FAM174B: variants seen among roughly 807,000 people sequenced by gnomAD.
FAM174B encodes membrane protein FAM174B.
A neutral mutation model predicts 10.9 loss-of-function variants in FAM174B; 12 were observed. That is an observed-to-expected ratio of 1.10 (90% CI 0.71 to 1.79). The LOEUF (loss-of-function observed/expected upper bound fraction) is 1.79. Ranked by LOEUF, FAM174B falls within the 40% of genes most tolerant of loss-of-function variation. FAM174B has a pLI of 0.00. For synonymous variants in FAM174B, 132 were observed against 115.8 expected, an observed-to-expected ratio of 1.14 and a Z score of -0.90; for missense variants, 266 against 233.3, an observed-to-expected ratio of 1.14 and a Z score of -0.91.
chr15:92,639,263 G>C (rs922240492), intron 1 of FAM174B: 2 of 152,190 alleles, frequency 1.3e-5, no homozygotes, highest in Non-Finnish European at 2.9e-5. Flanking sequence ...GCCAGCTCCC[G>C]CGATAACCAA....
At chr15:92,620,657 A>G (rs2050713398) in intron 2 of FAM174B, among the ~76,000 whole-genome samples, 1 of 151,890 alleles carries the variant, frequency 6.6e-6, no homozygotes, top group Non-Finnish European at 1.5e-5. Context: ...TCTACTAAAA[A>G]TACAAAAATT....
intron 2 of FAM174B, chr15:92,627,404 G>T: frequency 5.9e-6 from 1 of 170,694 alleles, no homozygotes; most frequent in South Asian, 1.7e-4. Flanking sequence ...ACAAGCTGTG[G>T]AAGTTTCTTA....
At chr15:92,649,733 C>T (rs73460406) in intron 1 of FAM174B, among the ~76,000 whole-genome samples, 4,150 of 152,284 alleles carry the variant, frequency 0.027, 126 homozygotes, top group South Asian at 0.076. Flanking sequence ...TTGGGGCTCC[C>T]CATCCTGACA....
chr15:92,621,561 A>G (rs1381467527), intron 2 of FAM174B, among the ~76,000 whole-genome samples: 2 of 151,804 alleles, frequency 1.3e-5, no homozygotes, highest in Non-Finnish European at 2.9e-5. Context: ...CATTGAGCCA[A>G]TATCTTGCCA....
intron 2 of FAM174B, among the ~76,000 whole-genome samples, chr15:92,622,012 T>G (rs1596293217): frequency 1.3e-5 from 2 of 152,236 alleles, no homozygotes; most frequent in Admixed American, 1.3e-4. Flanking sequence ...GGCAGGGACC[T>G]GATCGCCATA....
At chr15:92,630,577 T>C (rs1313907189) in intron 1 of FAM174B, among the ~76,000 whole-genome samples, 2 of 151,712 alleles carry the variant, frequency 1.3e-5, no homozygotes, top group Non-Finnish European at 2.9e-5. Context: ...CCACTTATGG[T>C]CATGGGACCT....
intron 2 of FAM174B, among the ~76,000 whole-genome samples, chr15:92,623,224 G>A (rs912145325): frequency 1.3e-5 from 2 of 151,998 alleles, no homozygotes; most frequent in Admixed American, 1.3e-4. Context: ...CCCCTCGAGG[G>A]CAGGGCCAGG....
chr15:92,634,513 G>A (rs1168815937), intron 1 of FAM174B: 1 of 152,162 alleles, frequency 6.6e-6, no homozygotes, highest in Non-Finnish European at 1.5e-5. Context: ...AAATGAGCCT[G>A]CTGAGCTAAA....
At chr15:92,631,433 ATATAT>A (rs1266933755) in intron 1 of FAM174B, among the ~76,000 whole-genome samples, 2 of 28,696 alleles carry the variant, frequency 7.0e-5, no homozygotes, top group African/African-American at 2.2e-4. Context: ...ATATAATATA[ATATAT>A]TATATATATA....
chr15:92,635,878 G>C (rs1021090076), intron 1 of FAM174B, among the ~76,000 whole-genome samples: 2 of 152,088 alleles, frequency 1.3e-5, no homozygotes, highest in African/African-American at 4.8e-5. Flanking sequence ...ACCGCACCCA[G>C]CACATTTCTC....
intron 1 of FAM174B, among the ~76,000 whole-genome samples, chr15:92,632,258 C>T (rs182828536): frequency 2.0e-5 from 3 of 152,266 alleles, no homozygotes; most frequent in East Asian, 1.9e-4. Flanking sequence ...TAAAGACAGG[C>T]TCTCGGCCGG....
In FAM174B at chr15:92,655,383, C is replaced by T. The variant is rs2050995879; in HGVS notation, c.277G>A (p.Ala93Thr). The T allele has an allele frequency of 1.3e-6, 2 of 1,592,848 alleles. No individual in the cohort carries two copies. Among genetic ancestry groups the T allele is most frequent in the Non-Finnish European group, 1.7e-6 (2 of 1,170,452 alleles). The stretch of plus-strand genomic sequence containing the variant: ...AAGGCGAACGCCACGATCACGGCTG[C>T]CTTGAGGGTGGGTAGGTCGCGGAGG... ...ILLRDLPTLK[A>T]AVIVAFAFTT... The change falls in exon 1 of 3, where the codon GCA (alanine) becomes ACA (threonine). Residue 93 changes from alanine to threonine, a missense_variant. Physicochemically the swap from Ala to Thr is moderately conservative, Grantham distance 58 (BLOSUM62 0). Coordinates refer to ENST00000327355, the MANE Select transcript of FAM174B (RefSeq NM_207446.3).
chr15:92,620,585 C>T (rs957913662), intron 2 of FAM174B, among the ~76,000 whole-genome samples: 1 of 152,076 alleles, frequency 6.6e-6, no homozygotes. Context: ...GAGGCCACGG[C>T]GGGTGGATCA....
Position 92,655,395 on chromosome 15 carries a change from G to A in FAM174B, c.265C>T (p.Pro89Ser), listed in dbSNP as rs2050996084. 1 of 1,595,284 alleles carries A rather than the reference G, an allele frequency of 6.3e-7. No homozygotes were observed. Among genetic ancestry groups the A allele is most frequent in the Non-Finnish European group, 8.5e-7 (1 of 1,171,744 alleles). Residue 89 changes from proline (P) to serine (S), a missense_variant, in exon 1 of 3, where the codon CCC becomes TCC. Physicochemically the swap from Pro to Ser is moderately conservative, Grantham distance 74 (BLOSUM62 -1). Coordinates refer to ENST00000327355, the MANE Select transcript of FAM174B (RefSeq NM_207446.3). ...ACGATCACGGCTGCCTTGAGGGTGG[G>A]TAGGTCGCGGAGGAGGATGGAAATG... Reference protein sequence around the residue: ...TRISILLRDLPTLKAAVIVAF... With the variant: ...TRISILLRDLSTLKAAVIVAF...
At chr15:92,634,547 A>G (rs896484750) in intron 1 of FAM174B, 7 of 152,226 alleles carry the variant, frequency 4.6e-5, no homozygotes, top group African/African-American at 1.7e-4. Context: ...ACCCCAACCC[A>G]TAGGAGAAGG....
At chr15:92,652,305 G>T (rs2050971639) in intron 1 of FAM174B, among the ~76,000 whole-genome samples, 1 of 152,204 alleles carries the variant, frequency 6.6e-6, no homozygotes, top group Non-Finnish European at 1.5e-5. Context: ...CTCAGAGGAG[G>T]CAACAGCAAC....
At chr15:92,628,902 T>A (rs550840528) in intron 2 of FAM174B, among the ~76,000 whole-genome samples, 1 of 152,330 alleles carries the variant, frequency 6.6e-6, no homozygotes, top group African/African-American at 2.4e-5. Flanking sequence ...TTTTTTAAAG[T>A]ACTGAAAAAC....
chr15:92,625,170 T>C (rs2050745218), intron 2 of FAM174B, among the ~76,000 whole-genome samples: 1 of 141,756 alleles, frequency 7.1e-6, no homozygotes, highest in Non-Finnish European at 1.6e-5. Flanking sequence ...CCCCAAACTC[T>C]GGCCCTACGC....
rs569115956 is a variant in FAM174B, at chr15:92,631,974, A to G, written c.345-1629T>C. Among the ~76,000 whole-genome samples, 20 of 151,334 alleles carry G rather than the reference A, an allele frequency of 1.3e-4. 1 individual carries two copies. The highest frequency in any genetic ancestry group is 3.4e-3 in the Middle Eastern group (1 of 292). On this transcript the variant is annotated intron_variant, in intron 1 of 2. Transcript: ENST00000327355. ...GCTCTGTGCTTGTGTGATCAGGGGCAAGTCAGTTCATCTCCCTGAGCTTCC... is the reference window on the plus strand; with the variant it reads ...GCTCTGTGCTTGTGTGATCAGGGGCGAGTCAGTTCATCTCCCTGAGCTTCC...
Sources: gnomAD v4.1 joint callset for allele counts (sites outside exome capture counted in the v4.1 genomes callset) on GRCh38, gnomAD v4.1.1 for gene constraint, MANE v1.5 for transcripts, NCBI Gene and HGNC (gene_info 2026-07-23, HGNC 2026-07-21) for gene names.